The following SCFD2 variants were observed in gnomAD, a reference collection of about 807,000 sequenced individuals.
SCFD2 encodes sec1 family domain-containing protein 2.
Under a neutral mutation model 58.9 loss-of-function variants are expected in SCFD2, and 54 were observed. The observed-to-expected ratio is 0.92, with a 90% CI of 0.74 to 1.15. The LOEUF is 1.15. Ranked by LOEUF, SCFD2 falls within the 50% of genes most tolerant of loss-of-function variation. SCFD2 has a pLI of 0.00. For synonymous variants in SCFD2, 321 were observed against 335.9 expected (o/e 0.96, Z 0.49); for missense variants, 805 against 836.6 (o/e 0.96, Z 0.47).
intron 5 of SCFD2, among the ~76,000 whole-genome samples, chr4:53,052,823 T>A (rs945669605): frequency 6.6e-6 from 1 of 152,116 alleles, no homozygotes; most frequent in East Asian, 1.9e-4. Context: ...ACAAAGCTAC[T>A]GCGACATGCA....
At chr4:53,222,147 C>T (rs1348093328) in intron 4 of SCFD2, among the ~76,000 whole-genome samples, 10 of 152,286 alleles carry the variant, frequency 6.6e-5, no homozygotes, top group South Asian at 2.1e-4. Flanking sequence ...CCTTTTCACC[C>T]GCCCACCCTC....
chr4:53,286,745 C>T (rs1731679865), intron 3 of SCFD2, among the ~76,000 whole-genome samples: 2 of 152,136 alleles, frequency 1.3e-5, no homozygotes, highest in African/African-American at 4.8e-5. Flanking sequence ...GGAGTCTGAG[C>T]TGTTGAGGTA....
intron 2 of SCFD2, among the ~76,000 whole-genome samples, chr4:53,346,064 C>T (rs1257785825): frequency 2.6e-5 from 4 of 151,864 alleles, no homozygotes; most frequent in Admixed American, 1.3e-4. Context: ...CAAACCTGCA[C>T]GTTGTGCACG....
intron 4 of SCFD2, among the ~76,000 whole-genome samples, chr4:53,233,542 A>G (rs2149010717): frequency 6.6e-6 from 1 of 152,340 alleles, no homozygotes; most frequent in East Asian, 1.9e-4. Flanking sequence ...GGAATAACAC[A>G]TGATATCATT....
At chr4:53,068,018 T>C (rs368508861) in intron 5 of SCFD2, among the ~76,000 whole-genome samples, 8 of 152,194 alleles carry the variant, frequency 5.3e-5, no homozygotes, top group African/African-American at 1.9e-4. Flanking sequence ...TTCCAGACTA[T>C]AGACAGAATC....
At chr4:53,344,879 G>C (rs1345912671) in intron 2 of SCFD2, among the ~76,000 whole-genome samples, 2 of 152,140 alleles carry the variant, frequency 1.3e-5, no homozygotes, top group African/African-American at 2.4e-5. Flanking sequence ...ATGGTGCTGG[G>C]ATAAGTGACT....
intron 4 of SCFD2, among the ~76,000 whole-genome samples, chr4:53,147,888 T>C (rs1577777046): frequency 6.6e-6 from 1 of 152,198 alleles, no homozygotes; most frequent in Non-Finnish European, 1.5e-5. Context: ...CCATGGATCA[T>C]GGGTTGGGCA....
chr4:53,360,952 C>A, intron 1 of SCFD2, among the ~76,000 whole-genome samples: 1 of 152,094 alleles, frequency 6.6e-6, no homozygotes, highest in East Asian at 1.9e-4. Context: ...TTGAATCTAC[C>A]CAGAGAAATC....
At chr4:52,910,867 C>T (rs1032176668) in intron 6 of SCFD2, among the ~76,000 whole-genome samples, 1 of 152,118 alleles carries the variant, frequency 6.6e-6, no homozygotes, top group East Asian at 1.9e-4. Context: ...AGCACTTATC[C>T]CTGATGCTGC....
intron 5 of SCFD2, among the ~76,000 whole-genome samples, chr4:53,013,085 T>C (rs1336938334): frequency 1.3e-5 from 2 of 152,214 alleles, no homozygotes; most frequent in Non-Finnish European, 2.9e-5. Flanking sequence ...TTGCACTCTG[T>C]GTTTGAAAAC....
chr4:52,926,883 T>C (rs1258116405), intron 5 of SCFD2, among the ~76,000 whole-genome samples: 1 of 152,216 alleles, frequency 6.6e-6, no homozygotes, highest in Non-Finnish European at 1.5e-5. Flanking sequence ...GCCTTTTCTC[T>C]CTTTTCAAAT....
rs1232733679 is a variant in SCFD2 at position 53,125,809 on chromosome 4, G to A, written c.1561+19524C>T. 3.9e-5 allele frequency among the ~76,000 whole-genome samples: 6 copies of A among 152,230 alleles called. No homozygotes were observed. The East Asian group carries it at 5.8e-4, about 15-fold the overall frequency. ...GTCTGACTGGCAGGGTTTAGGGCCT[G>A]ATCACTAAAGGGAGGGGGTAGATAT... On this transcript the variant is annotated intron_variant, in intron 5 of 8. Coordinates refer to ENST00000401642, the MANE Select transcript of SCFD2 (RefSeq NM_152540.4).
chr4:53,260,852 T>C (rs1386071485), intron 4 of SCFD2, among the ~76,000 whole-genome samples: 2 of 152,174 alleles, frequency 1.3e-5, no homozygotes, highest in African/African-American at 2.4e-5. Flanking sequence ...ATCCATCTGG[T>C]CCTGGACTTT....
At chr4:53,350,559 A>G (rs1213598829) in intron 2 of SCFD2, among the ~76,000 whole-genome samples, 1 of 152,188 alleles carries the variant, frequency 6.6e-6, no homozygotes, top group Admixed American at 6.5e-5. Flanking sequence ...TGTTTGTATA[A>G]TCACTATGTT....
At chr4:53,105,913 G>T (rs1283377219) in intron 5 of SCFD2, among the ~76,000 whole-genome samples, 1 of 131,324 alleles carries the variant, frequency 7.6e-6, no homozygotes, top group Non-Finnish European at 1.6e-5. Flanking sequence ...ACACTTCCCA[G>T]CAGGGGTTGA....
At chr4:53,316,938 C>A (rs1460224684) in intron 2 of SCFD2, among the ~76,000 whole-genome samples, 2 of 151,864 alleles carry the variant, frequency 1.3e-5, no homozygotes, top group South Asian at 4.2e-4. Flanking sequence ...AGAAACCCCG[C>A]CCCTAATAAA....
rs572437526 is a variant in SCFD2 at position 53,084,381 on chromosome 4, C to A, written c.1561+60952G>T. ...ACAGGCAATGAGATCTTATGGTTGA[C>A]TTCCCTCATTCCATAAAAATCGCTG... is the stretch of plus-strand genomic sequence containing the variant. On this transcript the variant is annotated intron_variant, in intron 5 of 8. Coordinates refer to ENST00000401642, the MANE Select transcript of SCFD2 (RefSeq NM_152540.4). 2.0e-5 allele frequency among the ~76,000 whole-genome samples: 3 copies of A among 152,224 alleles called. No homozygotes were observed. In the East Asian group the frequency reaches 5.8e-4, roughly 29 times the overall value.
At chr4:53,060,049 T>G (rs1229243491) in intron 5 of SCFD2, among the ~76,000 whole-genome samples, 1 of 152,262 alleles carries the variant, frequency 6.6e-6, no homozygotes, top group East Asian at 1.9e-4. Flanking sequence ...TGCTTACTAC[T>G]GGGAACACTT....
intron 5 of SCFD2, among the ~76,000 whole-genome samples, chr4:52,988,785 A>G (rs984913464): frequency 6.6e-6 from 1 of 152,176 alleles, no homozygotes; most frequent in African/African-American, 2.4e-5. Context: ...ATAGGATACA[A>G]CCACTCTAGC....
Sources: allele counts gnomAD v4.1 joint callset (sites outside exome capture counted in the v4.1 genomes callset), GRCh38; gene constraint gnomAD v4.1.1; transcripts MANE v1.5; gene names NCBI Gene and HGNC (gene_info 2026-07-23, HGNC 2026-07-21).